The following ZNF709 variants were observed in gnomAD, a reference collection of about 807,000 sequenced individuals.
ZNF709 encodes zinc finger protein 709.
Under a neutral mutation model 10.6 loss-of-function variants are expected in ZNF709, and 15 were observed. The ratio of observed to expected loss-of-function variants is 1.41; its 90% CI spans 0.95 to 2.18. ZNF709 has a LOEUF of 2.18. Ranked by LOEUF, ZNF709 falls within the 30% of genes most tolerant of loss-of-function variation. The probability of loss-of-function intolerance (pLI) is 0.00; values close to 1 mark genes in which losing one functional copy is unlikely to be tolerated. For missense variants in ZNF709, 589 were observed against 774.0 expected, an observed-to-expected ratio of 0.76 and a Z score of 2.84; for synonymous variants, 194 against 238.8, an observed-to-expected ratio of 0.81 and a Z score of 1.73.
chr19:12,483,307 ATTT>A (rs35777030), intron 1 of ZNF709, among the ~76,000 whole-genome samples: 2 of 95,226 alleles, frequency 2.1e-5, no homozygotes, highest in South Asian at 3.2e-4. Context: ...CGCCCAGCTA[ATTT>A]TTTTTTTTTT....
intron 1 of ZNF709, among the ~76,000 whole-genome samples, chr19:12,477,062 G>A (rs1970683179): frequency 6.6e-6 from 1 of 152,182 alleles, no homozygotes; most frequent in African/African-American, 2.4e-5. Context: ...GTGAGATGGT[G>A]AAATCTGTGA....
At chr19:12,481,146 T>C in intron 1 of ZNF709, 1 of 983,654 alleles carries the variant, frequency 1.0e-6, no homozygotes, top group Non-Finnish European at 1.2e-6. Context: ...AAATGAAAAA[T>C]GTACCTGAGA....
intron 1 of ZNF709, among the ~76,000 whole-genome samples, chr19:12,482,391 A>T (rs949556969): frequency 6.6e-6 from 1 of 151,974 alleles, no homozygotes; most frequent in African/African-American, 2.4e-5. Context: ...CTGAGGAGCC[A>T]AAGGAATGAA....
Position 12,484,651 on chromosome 19 carries a change from T to C in ZNF709, c.3+4A>G, listed in dbSNP as rs1403940656. On this transcript the variant is annotated splice_donor_region_variant and intron_variant, in intron 1 of 3. Transcript: ENST00000397732. ...TCTCAAGACCCCCAGCCCCGCACAC[T>C]TACCATTTCCCAGACTCTGGGATGT... The C allele has an allele frequency of 6.2e-7, 1 of 1,612,634 alleles. No homozygotes were observed. Among genetic ancestry groups the C allele is most frequent in the African/African-American group, 1.3e-5 (1 of 74,754 alleles).
intron 1 of ZNF709, among the ~76,000 whole-genome samples, chr19:12,479,598 C>G (rs1459236065): frequency 6.6e-6 from 1 of 152,070 alleles, no homozygotes; most frequent in Admixed American, 6.6e-5. Flanking sequence ...AGGCCGGGTG[C>G]GATGGCTCAC....
chr19:12,474,351 T>C (rs1970659889), intron 1 of ZNF709, among the ~76,000 whole-genome samples: 1 of 152,252 alleles, frequency 6.6e-6, no homozygotes, highest in Admixed American at 6.5e-5. Flanking sequence ...ATCAATGGTG[T>C]TGTCAATGGC....
intron 1 of ZNF709, among the ~76,000 whole-genome samples, chr19:12,479,294 C>T (rs538967121): frequency 1.3e-5 from 2 of 152,062 alleles, no homozygotes; most frequent in South Asian, 2.1e-4. Context: ...CAGAACAAGA[C>T]CCCATCTCAA....
chr19:12,478,795 G>A (rs1341063952), intron 1 of ZNF709, among the ~76,000 whole-genome samples: 2 of 152,186 alleles, frequency 1.3e-5, no homozygotes. Context: ...AAGGGCAGGA[G>A]CTTCTGTGGT....
chr19:12,483,026 T>C (rs536397354), intron 1 of ZNF709, among the ~76,000 whole-genome samples: 2 of 152,190 alleles, frequency 1.3e-5, no homozygotes, highest in East Asian at 3.9e-4. Context: ...GGAATTCCAT[T>C]TGAAATCACC....
chr19:12,467,505 C>T (rs1224319967), intron 1 of ZNF709, among the ~76,000 whole-genome samples: 2 of 152,226 alleles, frequency 1.3e-5, no homozygotes, highest in Non-Finnish European at 2.9e-5. Context: ...CTCCACCTCC[C>T]AGCTGCCTGC....
intron 1 of ZNF709, among the ~76,000 whole-genome samples, chr19:12,469,883 C>G (rs1190745923): frequency 6.6e-6 from 1 of 152,170 alleles, no homozygotes; most frequent in Admixed American, 6.5e-5. Flanking sequence ...CTCTTTCCCT[C>G]AGAAACCTAA....
chr19:12,472,103 C>G (rs1970638633), intron 1 of ZNF709, among the ~76,000 whole-genome samples: 1 of 151,884 alleles, frequency 6.6e-6, no homozygotes, highest in African/African-American at 2.4e-5. Context: ...GCAGGAGGAT[C>G]ATATGAACCC....
At chr19:12,469,560 A>C (rs1970616388) in intron 1 of ZNF709, among the ~76,000 whole-genome samples, 1 of 152,004 alleles carries the variant, frequency 6.6e-6, no homozygotes, top group Non-Finnish European at 1.5e-5. Flanking sequence ...CGAGGTCAGG[A>C]GATAGAGACC....
chr19:12,465,368 A>G lies in ZNF709; in HGVS notation c.554T>C (p.Ile185Thr), dbSNP rs1281939154. ...CTCTCCAGTATGAGTTCTTTCATGT[A>G]TTTGAAAGGAACTGGGCCAACTGAA... ...KAFSWPSSFQIHERTHTGEKP... is the reference protein window; with the variant it reads ...KAFSWPSSFQTHERTHTGEKP... The change falls in exon 4 of 4, where the codon ATA becomes ACA. Residue 185 changes from isoleucine to threonine, a missense_variant. Transcript: ENST00000397732. 6.2e-7 allele frequency: 1 copy of G among 1,613,392 alleles called. No homozygotes were observed. The highest frequency in any genetic ancestry group is 8.5e-7 in the Non-Finnish European group (1 of 1,179,848).
intron 1 of ZNF709, among the ~76,000 whole-genome samples, chr19:12,471,259 T>C (rs879653153): frequency 1.3e-5 from 2 of 152,136 alleles, no homozygotes; most frequent in Non-Finnish European, 2.9e-5. Context: ...TATTTAATAA[T>C]CCTAATTTTA....
Position 12,466,448 on chromosome 19 carries a change from T to C in ZNF709, c.188+14A>G. ...TCTCATAAGACAGTATTTTCTTTTG[T>C]AAGTACAACTCACCTTAGCTTTCTC... is the stretch of plus-strand genomic sequence containing the variant. On this transcript the variant is annotated intron_variant, in intron 3 of 3. Transcript: ENST00000397732. 1 of 1,612,378 alleles carries C rather than the reference T, an allele frequency of 6.2e-7. No homozygotes were observed.
At position 12,464,506 on chromosome 19, in the gene ZNF709, T is replaced by G. The variant is rs747325248; in HGVS notation, c.1416A>C (p.Gly472=). Reference sequence around the variant, plus strand: ...ACTGTTTACATTCATAGGGTTTCTCTCCAGTGTGAATTCTTTCATGCATTC... The same window carrying G: ...ACTGTTTACATTCATAGGGTTTCTCGCCAGTGTGAATTCTTTCATGCATTC... ...SFRMHERIHT[G]EKPYECKQCG... The change falls in exon 4 of 4, where the codon GGA becomes GGC. Residue 472 remains glycine, a synonymous_variant. Transcript: ENST00000397732. The G allele has an allele frequency of 3.7e-6, 6 of 1,612,714 alleles. No individual in the cohort carries two copies. The Admixed American group carries it at 1.0e-4, about 27-fold the overall frequency.
chr19:12,479,184 TC>T (rs1212125819), intron 1 of ZNF709, among the ~76,000 whole-genome samples: 6 of 152,138 alleles, frequency 3.9e-5, no homozygotes, highest in South Asian at 4.2e-4. Flanking sequence ...ACACCTGTAG[TC>T]CCAGCTACTG....
chr19:12,467,222 C>T (rs1286268055), intron 1 of ZNF709, among the ~76,000 whole-genome samples: 1 of 152,232 alleles, frequency 6.6e-6, no homozygotes, highest in African/African-American at 2.4e-5. Context: ...CATCTCGGCA[C>T]ACTGCAACCT....
Sources: allele counts gnomAD v4.1 joint callset (sites outside exome capture counted in the v4.1 genomes callset), GRCh38; gene constraint gnomAD v4.1.1; transcripts MANE v1.5; gene names NCBI Gene and HGNC (gene_info 2026-07-23, HGNC 2026-07-21).